Variants in MYH8 observed in about 807,000 individuals in gnomAD.
MYH8 encodes the protein myosin heavy chain 8, also known as myosin-8.
Under a neutral mutation model 233.2 loss-of-function variants are expected in MYH8, and 168 were observed. The observed-to-expected ratio is 0.72, with a 90% confidence interval of 0.64 to 0.82. The LOEUF is 0.82. Ranked by LOEUF, MYH8 falls within the 40% of genes least tolerant of loss-of-function variation. MYH8 has a pLI of 0.00. For synonymous variants in MYH8, 785 were observed against 850.6 expected, an observed-to-expected ratio of 0.92 and a Z score of 1.34; for missense variants, 1,995 against 2,327.8, an observed-to-expected ratio of 0.86 and a Z score of 2.94.
At position 10,419,922 on chromosome 17, in the gene MYH8, G is replaced by A; in HGVS notation, c.210+96C>T. 1.5e-6 allele frequency: 2 copies of A among 1,313,508 alleles called. No individual in the cohort carries two copies. The highest frequency in any genetic ancestry group is 2.2e-6 in the Non-Finnish European group (2 of 910,216). 81.4% of individuals were successfully genotyped at this position (1,313,508 alleles called of 1,614,324 possible). ...CTCAACACTGACTAGAAGGGTGTTT[G>A]CATTGGCAACAGGCTTGGAGATTCC... On this transcript the variant is annotated intron_variant, in intron 3 of 39. Transcript: ENST00000403437. The surrounding 1 kb of genome is among the most constrained non-coding windows in gnomAD (Gnocchi z 4.0).
Position 10,393,163 on chromosome 17 carries a change from G to A in MYH8, c.5214C>T (p.Ser1738=), listed in dbSNP as rs1481082040. Residue 1738 remains serine (S), a synonymous_variant, in exon 36 of 40, where the codon TCC becomes TCT. Transcript: ENST00000403437. ...NTKKKLENDV[S]QLQSEVEEVI... ...CTTCTTCCACTTCACTTTGGAGTTG[G>A]GAAACGTCATTTTCTAATTTCTTCT... 6.2e-7 allele frequency: 1 copy of A among 1,614,092 alleles called. No homozygotes were observed. The highest frequency in any genetic ancestry group is 2.2e-5 in the East Asian group (1 of 44,884).
At position 10,398,835 on chromosome 17, in the gene MYH8, G is replaced by A; in HGVS notation, c.3914C>T (p.Ser1305Leu). Reference protein sequence around the residue: ...DEKDALVSQLSRSKQASTQQI... With the variant: ...DEKDALVSQLLRSKQASTQQI... ...CTGAGTAGATGCTTGCTTGCTCCTT[G>A]AAAGCTGAGAGACTAAAGCATCTTT... Residue 1305 changes from serine (S) to leucine (L), a missense_variant, in exon 29 of 40, where the codon TCA becomes TTA. Physicochemically the swap from Ser to Leu is moderately radical, Grantham distance 145 (BLOSUM62 -2). Coordinates refer to ENST00000403437, the MANE Select transcript of MYH8 (RefSeq NM_002472.3). 3 of 1,613,762 alleles carry A rather than the reference G, an allele frequency of 1.9e-6. No individual in the cohort carries two copies. The highest frequency in any genetic ancestry group is 2.5e-6 in the Non-Finnish European group (3 of 1,180,002).
chr17:10,399,461 T>C, intron 28 of MYH8, 82 bp downstream of exon 28: 3 of 1,601,748 alleles, frequency 1.9e-6, no homozygotes, highest in Non-Finnish European at 2.6e-6. Context: ...TTCTCTAAAG[T>C]GGGAATATTG....
At chr17:10,403,205 G>T (rs1213934201) in intron 22 of MYH8, among the ~76,000 whole-genome samples, 1 of 152,094 alleles carries the variant, frequency 6.6e-6, no homozygotes, top group African/African-American at 2.4e-5. Flanking sequence ...CATTCCATTT[G>T]TGGCCCTCTC....
At position 10,404,242 on chromosome 17, in the gene MYH8, CA is replaced by C; in HGVS notation, c.2688+87del. On this transcript the variant is annotated intron_variant, in intron 22 of 39. Transcript: ENST00000403437. Reference sequence around the variant, plus strand: ...AAAACAGCAACTTGAGATTTTTTTTCAAGTAGAGATCATTTGTAAATCCAAA... The same window carrying C: ...AAAACAGCAACTTGAGATTTTTTTTCAGTAGAGATCATTTGTAAATCCAAA... 3.3e-6 allele frequency: 5 copies of C among 1,537,146 alleles called. No homozygotes were observed. The Middle Eastern group carries it at 5.4e-4, about 166-fold the overall frequency.
chr17:10,414,212 C>T lies in MYH8; in HGVS notation c.988G>A (p.Glu330Lys), dbSNP rs751532878. The T allele has an allele frequency of 1.7e-5, 28 of 1,614,168 alleles. No homozygotes were observed. In the East Asian group the frequency reaches 6.2e-4, roughly 36 times the overall value. Reference protein sequence around the residue: ...EITVPSIDDQEELMATDSAID... With the variant: ...EITVPSIDDQKELMATDSAID... ...CTTACATCAGTGGCCATCAACTCTT[C>T]TTGGTCATCAATACTGGGAACTGTG... The change falls in exon 11 of 40, where the codon GAA becomes AAA. Residue 330 changes from glutamate (E) to lysine (K), a missense_variant. By Grantham distance (56) the Glu-to-Lys change is moderately conservative (BLOSUM62 1). Transcript: ENST00000403437.
At position 10,406,050 on chromosome 17, in the gene MYH8, A is replaced by C. The variant is rs2072189373; in HGVS notation, c.2423T>G (p.Leu808Trp). Residue 808 changes from leucine to tryptophan, a missense_variant, in exon 21 of 40, where the codon TTG (leucine) becomes TGG (tryptophan). Around this residue, in one of 3 missense-constraint regions of MYH8, gnomAD observed 1,498 missense variants for 1,680.9 expected, o/e 0.89. Coordinates refer to ENST00000403437, the MANE Select transcript of MYH8 (RefSeq NM_002472.3). The part of the protein sequence containing the change: ...FLMRVEYQKM[L>W]QRREALFCIQ... Reference sequence around the variant, plus strand: ...TCTGAATGATTGTTACCTCCTTTGCAACATCTTCTGATATTCTACCCTCAT... The same window carrying C: ...TCTGAATGATTGTTACCTCCTTTGCCACATCTTCTGATATTCTACCCTCAT... 6.2e-7 allele frequency: 1 copy of C among 1,613,904 alleles called. No individual in the cohort carries two copies. Among genetic ancestry groups the C allele is most frequent in the Admixed American group, 1.7e-5 (1 of 60,028 alleles).
chr17:10,400,578 C>A lies in MYH8; in HGVS notation c.3547G>T (p.Glu1183Ter). ...EFQKLRRDLE[E>*]ATLQHEAMVA... The stretch of plus-strand genomic sequence containing the variant: ...ATAGCTTCATGCTGCAGGGTGGCCT[C>A]CTCCAGGTCCCTGCGCAGTTTCTGA... The change falls in exon 27 of 40, where the codon GAG becomes TAG. Residue 1183 changes from glutamate to a stop codon, truncating the protein, a stop_gained. Coordinates refer to ENST00000403437, the MANE Select transcript of MYH8 (RefSeq NM_002472.3). LOFTEE classifies it high-confidence loss of function. The surrounding 1 kb of genome is among the most constrained non-coding windows in gnomAD (Gnocchi z 4.0). 1 of 1,614,214 alleles carries A rather than the reference C, an allele frequency of 6.2e-7. No homozygotes were observed. The highest frequency in any genetic ancestry group is 8.5e-7 in the Non-Finnish European group (1 of 1,180,036).
chr17:10,404,465 C>G lies in MYH8; in HGVS notation c.2553G>C (p.Glu851Asp), dbSNP rs770808549. 1.2e-6 allele frequency: 2 copies of G among 1,614,004 alleles called. No homozygotes were observed. Among genetic ancestry groups the G allele is most frequent in the South Asian group, 2.2e-5 (2 of 91,072 alleles). The change falls in exon 22 of 40, where the codon GAG (glutamate) becomes GAC (aspartate). Residue 851 changes from glutamate (E) to aspartate (D), a missense_variant. Glu to Asp is a conservative substitution (Grantham distance 45, BLOSUM62 2). Transcript: ENST00000403437. ...GGAATTCTTCCTTCATGGTGGCCAT[C>G]TCTTTCTCGGTCTCTGCACTCTTGA... ...PLLKSAETEKEMATMKEEFQK... is the reference protein window; with the variant it reads ...PLLKSAETEKDMATMKEEFQK...
intron 17 of MYH8, 92 bp downstream of exon 17, chr17:10,409,005 A>C (rs2072219653): frequency 1.7e-6 from 2 of 1,187,014 alleles, no homozygotes; most frequent in Non-Finnish European, 2.5e-6. Flanking sequence ...GATTCCTATT[A>C]ACATTTTATT....
Position 10,396,193 on chromosome 17 carries a change from A to C in MYH8, c.4653+137T>G, listed in dbSNP as rs1329179440. On this transcript the variant is annotated intron_variant, in intron 33 of 39. Transcript: ENST00000403437. The surrounding 1 kb of genome is among the most constrained non-coding windows in gnomAD (Gnocchi z 4.2). ...AGAATTGATAGGTCAGAGTATTTAC[A>C]TTTTTAAGGATTTTGATAACTATTG... is the stretch of plus-strand genomic sequence containing the variant. The C allele has an allele frequency of 3.9e-6, 4 of 1,025,638 alleles. No homozygotes were observed. In the African/African-American group the frequency reaches 4.8e-5, roughly 12 times the overall value. The allele number at this position is 1,025,638 out of a possible 1,614,324, so 63.5% of individuals were successfully genotyped here. A position where few individuals can be genotyped will look rare whatever the true frequency, so the allele number is the denominator to read the frequency against.
At chr17:10,414,669 C>T (rs1232305598) in intron 9 of MYH8, among the ~76,000 whole-genome samples, 185 bp from the exon 10 acceptor site, 3 of 152,112 alleles carry the variant, frequency 2.0e-5, no homozygotes, top group African/African-American at 7.2e-5. Flanking sequence ...AGCATACCTG[C>T]TCTAGGACAA....
At chr17:10,397,125 C>T in intron 30 of MYH8, 139 bp from the exon 31 acceptor site, 2 of 1,097,320 alleles carry the variant, frequency 1.8e-6, no homozygotes, top group Non-Finnish European at 2.6e-6. Flanking sequence ...GCTCTGTCGC[C>T]CATGCTGGAG....
At position 10,409,417 on chromosome 17, in the gene MYH8, C is replaced by T. The variant is rs754060887; in HGVS notation, c.1759G>A (p.Gly587Ser). Reference sequence around the variant, plus strand: ...CCAGTAATGTTGTAGTCCACAGTGCCAGCATAGTGAATCAGAGAGAAGTGG... The same window carrying T: ...CCAGTAATGTTGTAGTCCACAGTGCTAGCATAGTGAATCAGAGAGAAGTGG... Reference protein sequence around the residue: ...EAHFSLIHYAGTVDYNITGWL... With the variant: ...EAHFSLIHYASTVDYNITGWL... Residue 587 changes from glycine to serine, a missense_variant, in exon 16 of 40, where the codon GGC becomes AGC. Physicochemically the swap from Gly to Ser is moderately conservative, Grantham distance 56 (BLOSUM62 0). Around this residue, in one of 3 missense-constraint regions of MYH8, gnomAD observed 1,498 missense variants for 1,680.9 expected, o/e 0.89. Coordinates refer to ENST00000403437, the MANE Select transcript of MYH8 (RefSeq NM_002472.3). 2.5e-6 allele frequency: 4 copies of T among 1,614,174 alleles called. No homozygotes were observed. In the Admixed American group the frequency reaches 6.7e-5, roughly 27 times the overall value.
At chr17:10,394,530 T>C in intron 34 of MYH8, 78 bp from the exon 35 acceptor site, 1 of 1,517,080 alleles carries the variant, frequency 6.6e-7, no homozygotes, top group Non-Finnish European at 9.0e-7. Flanking sequence ...TGGGAGATTG[T>C]ACTGGTGACA....
chr17:10,398,639 G>T lies in MYH8; in HGVS notation c.3983C>A (p.Ala1328Asp). Reference sequence around the variant, plus strand: ...CAGGGCGTGTGCCAGGGCGTTCTTGGCCTGCAGAAGTAGCAGTTCAGTGAC... The same window carrying T: ...CAGGGCGTGTGCCAGGGCGTTCTTGTCCTGCAGAAGTAGCAGTTCAGTGAC... Reference protein sequence around the residue: ...LKHQLEEETKAKNALAHALQS... With the variant: ...LKHQLEEETKDKNALAHALQS... The change falls in exon 30 of 40, where the codon GCC (alanine) becomes GAC (aspartate). Residue 1328 changes from alanine to aspartate, a missense_variant and splice_region_variant. Ala to Asp is a moderately radical substitution (Grantham distance 126). Transcript: ENST00000403437. 1 of 1,614,202 alleles carries T rather than the reference G, an allele frequency of 6.2e-7. No homozygotes were observed.
intron 17 of MYH8, among the ~76,000 whole-genome samples, 160 bp downstream of exon 17, chr17:10,408,937 G>A (rs552479000): frequency 3.9e-5 from 6 of 152,300 alleles, no homozygotes; most frequent in South Asian, 2.1e-4. Context: ...TAAAGCATCC[G>A]TTCCTACAGG....
At chr17:10,398,398 C>T (rs766717784) in intron 30 of MYH8, 46 bp downstream of exon 30, 1 of 1,613,604 alleles carries the variant, frequency 6.2e-7, no homozygotes, top group Non-Finnish European at 8.5e-7. Flanking sequence ...TCATAAATAT[C>T]ACAGCTGCTT....
In MYH8 at chr17:10,396,494, G is replaced by A. The variant is rs1211418772; in HGVS notation, c.4529-40C>T. 1 of 1,613,936 alleles carries A rather than the reference G, an allele frequency of 6.2e-7. No individual in the cohort carries two copies. The highest frequency in any genetic ancestry group is 8.5e-7 in the Non-Finnish European group (1 of 1,179,952). ...ACAGGAGAGAAATGGTCAGAAAGAT[G>A]GCAACATGGAAAGGTCCTCCCAGGG... On this transcript the variant is annotated intron_variant, in intron 32 of 39. Coordinates refer to ENST00000403437, the MANE Select transcript of MYH8 (RefSeq NM_002472.3). The surrounding 1 kb of genome is among the most constrained non-coding windows in gnomAD (Gnocchi z 4.2).
Sources: allele counts gnomAD v4.1 joint callset (sites outside exome capture counted in the v4.1 genomes callset), GRCh38; gene constraint gnomAD v4.1.1; regional missense constraint gnomAD v4.1.1; non-coding constraint Gnocchi (gnomAD v3.1); transcripts MANE v1.5; gene names NCBI Gene and HGNC (gene_info 2026-07-23, HGNC 2026-07-21).